The following WNK1 variants were observed in gnomAD, a reference collection of about 807,000 sequenced individuals.
The protein encoded by WNK1 is serine/threonine-protein kinase WNK1.
A neutral mutation model predicts 222.8 loss-of-function variants in WNK1; 38 were observed. That is an observed-to-expected ratio of 0.17 (90% CI 0.13 to 0.22). The LOEUF (loss-of-function observed/expected upper bound fraction) is 0.22. Among genes scored for constraint, WNK1 ranks in the 10% least tolerant of loss-of-function variants. WNK1 has a pLI of 1.00. For missense variants in WNK1, 2,348 were observed against 2,918.4 expected, an observed-to-expected ratio of 0.80 and a Z score of 4.50; for synonymous variants, 1,090 against 1,092.9, an observed-to-expected ratio of 1.00 and a Z score of 0.05.
At chr12:872,856 G>A (rs1469117528) in intron 9 of WNK1, among the ~76,000 whole-genome samples, 3 of 152,160 alleles carry the variant, frequency 2.0e-5, no homozygotes, top group East Asian at 3.8e-4. Context: ...GGAGTTGCTT[G>A]TACAAGATGA....
At chr12:837,625 G>T (rs1949299719) in intron 4 of WNK1, among the ~76,000 whole-genome samples, 1 of 151,262 alleles carries the variant, frequency 6.6e-6, no homozygotes, top group Non-Finnish European at 1.5e-5. Flanking sequence ...AAATTTGGCT[G>T]TTGGGATTGG....
At chr12:776,755 C>T (rs560244104) in intron 1 of WNK1, among the ~76,000 whole-genome samples, 2 of 151,972 alleles carry the variant, frequency 1.3e-5, no homozygotes, top group Non-Finnish European at 2.9e-5. Flanking sequence ...TCTTGCTCTG[C>T]GTGGTGTTTG....
At chr12:839,969 C>G (rs1268437405) in intron 4 of WNK1, among the ~76,000 whole-genome samples, 6 of 150,548 alleles carry the variant, frequency 4.0e-5, no homozygotes, top group Non-Finnish European at 3.0e-5. Context: ...CTCAAGTGAT[C>G]CGCCCACCTC....
chr12:795,310 T>TTC (rs1361493588), intron 1 of WNK1, among the ~76,000 whole-genome samples: 2 of 151,830 alleles, frequency 1.3e-5, no homozygotes, highest in African/African-American at 4.8e-5. Flanking sequence ...TTTTTTTTTT[T>TTC]TTCTTGAGTC....
At position 861,215 on chromosome 12, in the gene WNK1, C is replaced by G. The variant is rs1455320237; in HGVS notation, c.1823C>G (p.Ser608Cys). The G allele has an allele frequency of 7.1e-5, 114 of 1,614,020 alleles. No individual in the cohort carries two copies. Among genetic ancestry groups the G allele is most frequent in the Non-Finnish European group, 9.5e-5 (112 of 1,180,034 alleles). Residue 608 changes from serine to cysteine, a missense_variant, in exon 7 of 28, where the codon TCT becomes TGT. Coordinates refer to ENST00000315939, the MANE Select transcript of WNK1 (RefSeq NM_018979.4). ...CAGACAGGAATCAAGCAGCTCCCTTCTGCTAGCACCGGCATACCTACTGCT... is the reference window on the plus strand; with the variant it reads ...CAGACAGGAATCAAGCAGCTCCCTTGTGCTAGCACCGGCATACCTACTGCT... ...ASQTGIKQLP[S>C]ASTGIPTAST...
At chr12:789,534 CTT>C (rs34511181) in intron 1 of WNK1, among the ~76,000 whole-genome samples, 8 of 117,738 alleles carry the variant, frequency 6.8e-5, no homozygotes, top group Admixed American at 8.9e-5. Context: ...GGTTATACTC[CTT>C]TTTTTTTTTT....
Position 896,084 on chromosome 12 carries a change from C to T in WNK1, c.5597C>T (p.Ala1866Val), listed in dbSNP as rs750602056. ...CTTTTTTATCAGGTTTCTGTTGCAG[C>T]AGACGGTGCCCAGAAAGAGGGTAAA... ...KMGRFQVSVA[A>V]DGAQKEGKNK... is the part of the protein sequence containing the mutation. Residue 1866 changes from alanine (A) to valine (V), a missense_variant, in exon 24 of 28, where the codon GCA (alanine) becomes GTA (valine). Physicochemically the swap from Ala to Val is moderately conservative, Grantham distance 64. This residue lies in a region of WNK1 where 1,144 missense variants were observed against 1,273.6 expected (regional missense o/e 0.90). Coordinates refer to ENST00000315939, the MANE Select transcript of WNK1 (RefSeq NM_018979.4). 1 of 1,614,206 alleles carries T rather than the reference C, an allele frequency of 6.2e-7. No individual in the cohort carries two copies. The highest frequency in any genetic ancestry group is 1.1e-5 in the South Asian group (1 of 91,086).
At chr12:805,431 T>C (rs777785626) in intron 1 of WNK1, among the ~76,000 whole-genome samples, 1 of 152,190 alleles carries the variant, frequency 6.6e-6, no homozygotes, top group Non-Finnish European at 1.5e-5. Flanking sequence ...ACATTGTATG[T>C]GTAAATGGAA....
chr12:815,112 C>G (rs899406437), intron 2 of WNK1, among the ~76,000 whole-genome samples: 1 of 152,154 alleles, frequency 6.6e-6, no homozygotes, highest in African/African-American at 2.4e-5. Context: ...TTTGCTTGCT[C>G]GCCTGCCACT....
chr12:902,911 ATCT>A (rs1218796282), intron 26 of WNK1, among the ~76,000 whole-genome samples: 2 of 152,252 alleles, frequency 1.3e-5, no homozygotes, highest in Non-Finnish European at 2.9e-5. Context: ...TTGAATAAAG[ATCT>A]TCTCTGTTAA....
chr12:859,179 G>GA, intron 5 of WNK1, 66 bp from the exon 6 acceptor site: 1 of 1,395,376 alleles, frequency 7.2e-7, no homozygotes, highest in Non-Finnish European at 1.0e-6. Context: ...GGCCACATTT[G>GA]AAAATTATTT....
Position 830,176 on chromosome 12 carries a change from A to T in WNK1, c.1311+16A>T. On this transcript the variant is annotated intron_variant, in intron 4 of 27. Coordinates refer to ENST00000315939, the MANE Select transcript of WNK1 (RefSeq NM_018979.4). ...CGTGACCAGTGTAAGTCTTCCCCTA[A>T]CTGATTGTTGAACTTGGGGCATATC... 6.2e-7 allele frequency: 1 copy of T among 1,613,868 alleles called. No individual in the cohort carries two copies. Among genetic ancestry groups the T allele is most frequent in the Non-Finnish European group, 8.5e-7 (1 of 1,179,816 alleles).
chr12:788,893 G>A (rs1989450), intron 1 of WNK1, among the ~76,000 whole-genome samples: 83,547 of 147,590 alleles, frequency 0.57, 24,677 homozygotes, highest in East Asian at 0.86. Flanking sequence ...TCTCGGGGGG[G>A]AAAAAGAAAG....
Position 783,826 on chromosome 12 carries a change from CCTGGGAGGCTGAGGTGGGAGGA to C in WNK1, c.759+29503_759+29524del, listed in dbSNP as rs1257291783. ...CGGCATGTGCCTGTAGTCCCAGCTA[CCTGGGAGGCTGAGGTGGGAGGA>C]TTGCTTGAGCCCAGGAGTTTGAGAC... On this transcript the variant is annotated intron_variant, in intron 1 of 27. Coordinates refer to ENST00000315939, the MANE Select transcript of WNK1 (RefSeq NM_018979.4). Among the ~76,000 whole-genome samples the C allele has an allele frequency of 7.4e-3, 108 of 14,618 alleles. 3 individuals are homozygous for C. Among genetic ancestry groups the C allele is most frequent in the South Asian group, 0.028 (9 of 316 alleles). 9.6% of individuals were successfully genotyped at this position (14,618 alleles called of 152,430 possible).
At chr12:781,110 AACAAC>A (rs1565419808) in intron 1 of WNK1, 2 of 52,486 alleles carry the variant, frequency 3.8e-5, no homozygotes, top group Non-Finnish European at 6.2e-5. Context: ...TAACAACAAC[AACAAC>A]AACAACAAAA....
Position 908,818 on chromosome 12 carries a change from C to T in WNK1, c.*26C>T, listed in dbSNP as rs1180470779. 3 of 867,984 alleles carry T rather than the reference C, an allele frequency of 3.5e-6. No individual in the cohort carries two copies. The highest frequency in any genetic ancestry group is 5.0e-6 in the Non-Finnish European group (3 of 595,638). 53.8% of individuals were successfully genotyped at this position (867,984 alleles called of 1,614,324 possible). On this transcript the variant is annotated 3_prime_UTR_variant, in exon 28 of 28. Coordinates refer to ENST00000315939, the MANE Select transcript of WNK1 (RefSeq NM_018979.4). ...ACCTAGAGACATTAACTGAATAGAT[C>T]TGGGGGCAGGAGATGGAATGCTGAG... is the stretch of plus-strand genomic sequence containing the variant.
At chr12:837,584 A>AG (rs1254665977) in intron 4 of WNK1, among the ~76,000 whole-genome samples, 3 of 138,872 alleles carry the variant, frequency 2.2e-5, no homozygotes, top group South Asian at 2.5e-4. Context: ...AAAAAAAAAA[A>AG]AAAAAAAAGA....
intron 1 of WNK1, among the ~76,000 whole-genome samples, chr12:796,600 A>G (rs1449668804): frequency 6.6e-6 from 1 of 152,192 alleles, no homozygotes; most frequent in Non-Finnish European, 1.5e-5. Context: ...AAGTTGAATG[A>G]TCAATTTGGG....
chr12:884,853 C>T lies in WNK1; in HGVS notation c.4049C>T (p.Ala1350Val), dbSNP rs1318448283. The T allele has an allele frequency of 6.2e-7, 1 of 1,614,152 alleles. No individual in the cohort carries two copies. The highest frequency in any genetic ancestry group is 1.1e-5 in the South Asian group (1 of 91,086). ...AGCATTGCTGGAGTCCCAACCACAGCAGCAGCCACAGCACCAGTCCCTGCA... is the reference window on the plus strand; with the variant it reads ...AGCATTGCTGGAGTCCCAACCACAGTAGCAGCCACAGCACCAGTCCCTGCA... ...LSSIAGVPTT[A>V]AATAPVPATS... The change falls in exon 19 of 28, where the codon GCA becomes GTA. Residue 1350 changes from alanine (A) to valine (V), a missense_variant. Around this residue, in one of 13 missense-constraint regions of WNK1, gnomAD observed 1,144 missense variants for 1,273.6 expected, o/e 0.90. Transcript: ENST00000315939. The surrounding 1 kb of genome is among the most constrained non-coding windows in gnomAD (Gnocchi z 5.6).
Sources: gnomAD v4.1 joint callset for allele counts (sites outside exome capture counted in the v4.1 genomes callset) on GRCh38, gnomAD v4.1.1 for gene constraint, gnomAD v4.1.1 regional missense constraint, Gnocchi (gnomAD v3.1) non-coding constraint, MANE v1.5 for transcripts, NCBI Gene and HGNC (gene_info 2026-07-23, HGNC 2026-07-21) for gene names.